ZBTB16: variants seen among roughly 807,000 people sequenced by gnomAD.
ZBTB16 encodes zinc finger and BTB domain containing 16.
ZBTB16 carries 8 observed loss-of-function variants against 56.8 expected under a neutral mutation model. That is an observed-to-expected ratio of 0.14 (90% CI 0.08 to 0.25). The LOEUF is 0.25. ZBTB16 is among the 10% of genes least tolerant of loss of function. The pLI, the probability that ZBTB16 is intolerant of heterozygous loss-of-function variation, is 1.00. For missense variants in ZBTB16, 625 were observed against 903.0 expected (o/e 0.69, Z 3.95); for synonymous variants, 363 against 368.5 (o/e 0.98, Z 0.17).
chr11:114,139,052 C>T (rs1941876712), intron 2 of ZBTB16, among the ~76,000 whole-genome samples: 1 of 152,116 alleles, frequency 6.6e-6, no homozygotes, highest in African/African-American at 2.4e-5. Flanking sequence ...TCTCTCAGCC[C>T]AGTTTTCTAA....
At chr11:114,229,880 G>C (rs1025245174) in intron 4 of ZBTB16, among the ~76,000 whole-genome samples, 1 of 152,180 alleles carries the variant, frequency 6.6e-6, no homozygotes, top group Non-Finnish European at 1.5e-5. Flanking sequence ...GGTAATGATA[G>C]TTTGAATTGT....
chr11:114,244,012 G>C (rs1270477420), intron 5 of ZBTB16, among the ~76,000 whole-genome samples: 1 of 152,204 alleles, frequency 6.6e-6, no homozygotes, highest in African/African-American at 2.4e-5. Flanking sequence ...TGCACACACA[G>C]AGAAACACCC....
chr11:114,161,832 A>G (rs1256950092), intron 3 of ZBTB16, among the ~76,000 whole-genome samples: 2 of 152,152 alleles, frequency 1.3e-5, no homozygotes, highest in Non-Finnish European at 2.9e-5. Flanking sequence ...TATGTAGACT[A>G]GGCTAGAATA....
At position 114,124,592 on chromosome 11, in the gene ZBTB16, A is replaced by C. The variant is rs1784138; in HGVS notation, c.1269-31745A>C. On this transcript the variant is annotated intron_variant, in intron 2 of 6. Coordinates refer to ENST00000335953, the MANE Select transcript of ZBTB16 (RefSeq NM_006006.6). ...AAAAAACAAAAACAAAACAAAAAAA[A>C]CCAACTGAACATTAACCCTTTGGGT... is the stretch of plus-strand genomic sequence containing the variant. Among the ~76,000 whole-genome samples the C allele has an allele frequency of 3.0e-3, 457 of 152,000 alleles. 6 individuals carry two copies. In the East Asian group the frequency reaches 0.032, roughly 11 times the overall value.
At chr11:114,240,858 T>C (rs1313625499) in intron 4 of ZBTB16, among the ~76,000 whole-genome samples, 2 of 152,248 alleles carry the variant, frequency 1.3e-5, no homozygotes, top group Non-Finnish European at 2.9e-5. Flanking sequence ...TTCAATCCTT[T>C]GACAGTTGCC....
intron 4 of ZBTB16, among the ~76,000 whole-genome samples, chr11:114,210,220 G>A (rs1030874779): frequency 9.9e-5 from 15 of 151,180 alleles, no homozygotes; most frequent in African/African-American, 3.4e-4. Flanking sequence ...CAGTTTGTGA[G>A]TGTCGGGTTC....
chr11:114,059,991 G>T lies in ZBTB16; in HGVS notation c.-91+109G>T. 2.6e-6 allele frequency: 1 copy of T among 392,122 alleles called. No individual in the cohort carries two copies. The highest frequency in any genetic ancestry group is 4.5e-6 in the Non-Finnish European group (1 of 222,332). 24.3% of individuals were successfully genotyped at this position (392,122 alleles called of 1,614,324 possible). ...GCGCGCTCGCTTCGGCCACTCGGCC[G>T]CTGGGCTTGTGCCTTTTTTATTTGG... On this transcript the variant is annotated intron_variant, in intron 1 of 6. Coordinates refer to ENST00000335953, the MANE Select transcript of ZBTB16 (RefSeq NM_006006.6). The surrounding 1 kb of genome is among the most constrained non-coding windows in gnomAD (Gnocchi z 5.3).
intron 4 of ZBTB16, among the ~76,000 whole-genome samples, chr11:114,231,653 G>C (rs1944443702): frequency 6.6e-6 from 1 of 152,192 alleles, no homozygotes; most frequent in South Asian, 2.1e-4. Context: ...CAGGTGCCCA[G>C]TCAATGTTGG....
At chr11:114,208,131 T>G (rs567264759) in intron 4 of ZBTB16, among the ~76,000 whole-genome samples, 115 of 152,306 alleles carry the variant, frequency 7.6e-4, no homozygotes, top group South Asian at 3.7e-3. Flanking sequence ...CTCCTTCTGG[T>G]CTCCAGCACC....
chr11:114,204,953 G>A (rs1221382550), intron 4 of ZBTB16, among the ~76,000 whole-genome samples: 2 of 152,090 alleles, frequency 1.3e-5, no homozygotes, highest in East Asian at 1.9e-4. Flanking sequence ...CCCTGAGGTC[G>A]GGCAGACTGA....
chr11:114,075,218 GAA>G (rs1939504340), intron 2 of ZBTB16, among the ~76,000 whole-genome samples: 1 of 152,138 alleles, frequency 6.6e-6, no homozygotes, highest in African/African-American at 2.4e-5. Flanking sequence ...ACCTGGGTTC[GAA>G]TTAATCTTCT....
rs189209724 is a variant in ZBTB16, at chr11:114,228,942, C to T, written c.1454-13225C>T. On this transcript the variant is annotated intron_variant, in intron 4 of 6. Coordinates refer to ENST00000335953, the MANE Select transcript of ZBTB16 (RefSeq NM_006006.6). ...GTCAGCTGTCCCTCCCCTTCCCTGG[C>T]GCCCCATCCCCCATAGCCAGCCCAG... 1.9e-4 allele frequency among the ~76,000 whole-genome samples: 29 copies of T among 152,290 alleles called. No homozygotes were observed. In the East Asian group the frequency reaches 2.3e-3, roughly 12 times the overall value.
intron 4 of ZBTB16, among the ~76,000 whole-genome samples, chr11:114,238,302 C>T (rs1420051842): frequency 1.3e-5 from 2 of 152,202 alleles, no homozygotes; most frequent in Non-Finnish European, 2.9e-5. Flanking sequence ...GTGCTAGCAC[C>T]ACTCGTCTTA....
intron 4 of ZBTB16, among the ~76,000 whole-genome samples, chr11:114,227,555 G>A (rs998283829): frequency 2.0e-5 from 3 of 152,192 alleles, no homozygotes; most frequent in African/African-American, 7.2e-5. Context: ...GAGAAGTGAG[G>A]TCGCAGCTCT....
At chr11:114,135,406 A>C (rs1941771972) in intron 2 of ZBTB16, among the ~76,000 whole-genome samples, 1 of 152,222 alleles carries the variant, frequency 6.6e-6, no homozygotes, top group African/African-American at 2.4e-5. Flanking sequence ...AGCTGAGTTT[A>C]AGATAGAGAA....
At chr11:114,215,205 T>C (rs1944071852) in intron 4 of ZBTB16, among the ~76,000 whole-genome samples, 1 of 152,218 alleles carries the variant, frequency 6.6e-6, no homozygotes, top group East Asian at 1.9e-4. Flanking sequence ...CTAGTAGTTG[T>C]TCAACACAAA....
intron 2 of ZBTB16, among the ~76,000 whole-genome samples, chr11:114,091,714 A>T (rs1940197351): frequency 6.8e-6 from 1 of 146,672 alleles, no homozygotes; most frequent in Admixed American, 7.0e-5. Context: ...ACTTGCTGGG[A>T]CAGTCTCCTC....
Position 114,099,635 on chromosome 11 carries a change from G to A in ZBTB16, c.1268+35067G>A, listed in dbSNP as rs1037873079. 3.9e-5 allele frequency among the ~76,000 whole-genome samples: 6 copies of A among 152,294 alleles called. No individual in the cohort carries two copies. The South Asian group carries it at 6.2e-4, about 16-fold the overall frequency. On this transcript the variant is annotated intron_variant, in intron 2 of 6. Coordinates refer to ENST00000335953, the MANE Select transcript of ZBTB16 (RefSeq NM_006006.6). ...CTGTGTGGTGTCAGCTCAAGTGAGCGAAGCAGTGTGTGGTGTGTGTGCATT... is the reference window on the plus strand; with the variant it reads ...CTGTGTGGTGTCAGCTCAAGTGAGCAAAGCAGTGTGTGGTGTGTGTGCATT...
chr11:114,175,895 TC>T (rs1309973670), intron 3 of ZBTB16, among the ~76,000 whole-genome samples: 2 of 151,950 alleles, frequency 1.3e-5, no homozygotes, highest in East Asian at 3.9e-4. Context: ...GGCACTTGGA[TC>T]CCGGCCACCA....
Sources: allele counts gnomAD v4.1 joint callset (sites outside exome capture counted in the v4.1 genomes callset), GRCh38; gene constraint gnomAD v4.1.1; non-coding constraint Gnocchi (gnomAD v3.1); transcripts MANE v1.5; gene names NCBI Gene and HGNC (gene_info 2026-07-23, HGNC 2026-07-21).